Variants in RARS2 observed in about 807,000 individuals in gnomAD.
The protein encoded by RARS2 is probable arginine--tRNA ligase, mitochondrial.
Under a neutral mutation model 88.5 loss-of-function variants are expected in RARS2, and 67 were observed. The observed-to-expected ratio is 0.76, with a 90% CI of 0.62 to 0.93. The LOEUF (loss-of-function observed/expected upper bound fraction) is 0.93, where lower values mean the gene tolerates loss of function less well. RARS2 is among the 40% of genes least tolerant of loss of function. The pLI is 0.00. For missense variants in RARS2, 664 were observed against 684.2 expected (o/e 0.97, Z 0.33); for synonymous variants, 239 against 230.3 (o/e 1.04, Z -0.34).
Position 87,522,333 on chromosome 6 carries a change from T to TAAA in RARS2, c.975-812_975-810dup, listed in dbSNP as rs34710568. Among the ~76,000 whole-genome samples, 94 of 88,684 alleles carry TAAA rather than the reference T, an allele frequency of 1.1e-3. 2 individuals are homozygous for TAAA. Among genetic ancestry groups the TAAA allele is most frequent in the African/African-American group, 1.4e-3 (32 of 22,842 alleles). 58.2% of individuals were successfully genotyped at this position (88,684 alleles called of 152,430 possible). ...CAACAGAGCAAGACACCGTCTCAAT[T>TAAA]AAAAAAAAAAAAAAAAAAAAAAGAC... On this transcript the variant is annotated intron_variant, in intron 11 of 19. Coordinates refer to ENST00000369536, the MANE Select transcript of RARS2 (RefSeq NM_020320.5).
intron 2 of RARS2, among the ~76,000 whole-genome samples, chr6:87,568,485 A>AT (rs1051632098): frequency 5.1e-4 from 78 of 152,326 alleles, no homozygotes; most frequent in African/African-American, 1.7e-3. Flanking sequence ...GGGTGACAGA[A>AT]TGAGACCTGG....
At chr6:87,537,156 A>G (rs1049728078) in intron 8 of RARS2, among the ~76,000 whole-genome samples, 2 of 152,274 alleles carry the variant, frequency 1.3e-5, no homozygotes, top group Admixed American at 6.5e-5. Flanking sequence ...AAGGCAGGCC[A>G]TAAAATCTGC....
In RARS2 at chr6:87,515,436, C is replaced by G. The variant is rs181755259; in HGVS notation, c.1587-416G>C. Among the ~76,000 whole-genome samples the G allele has an allele frequency of 4.6e-5, 7 of 151,732 alleles. No individual in the cohort carries two copies. The South Asian group carries it at 1.5e-3, about 32-fold the overall frequency. On this transcript the variant is annotated intron_variant, in intron 18 of 19. Transcript: ENST00000369536. ...TCGGGAGGCTGAGGCAGGAGAATGGCGTGAACCCAGGAGGCAGAGCTTGCA... is the reference window on the plus strand; with the variant it reads ...TCGGGAGGCTGAGGCAGGAGAATGGGGTGAACCCAGGAGGCAGAGCTTGCA...
intron 8 of RARS2, among the ~76,000 whole-genome samples, chr6:87,538,870 T>TA (rs999474948): frequency 6.6e-6 from 1 of 151,816 alleles, no homozygotes; most frequent in Admixed American, 6.6e-5. Flanking sequence ...CCTGTCTCTA[T>TA]AAAAAATCAA....
chr6:87,581,627 A>G (rs1159720564), intron 1 of RARS2, among the ~76,000 whole-genome samples: 1 of 150,442 alleles, frequency 6.6e-6, no homozygotes, highest in African/African-American at 2.5e-5. Context: ...GTTCCGGGGT[A>G]CATGTGCAGG....
chr6:87,581,111 A>G (rs546642805), intron 1 of RARS2, among the ~76,000 whole-genome samples: 1 of 152,224 alleles, frequency 6.6e-6, no homozygotes, highest in Non-Finnish European at 1.5e-5. Flanking sequence ...AACTGAGCAC[A>G]AAGTCAAAAA....
chr6:87,519,153 T>G, intron 14 of RARS2: 1 of 306,318 alleles, frequency 3.3e-6, no homozygotes, highest in Non-Finnish European at 5.9e-6. Flanking sequence ...TATATATATA[T>G]ATGTATGTGT....
chr6:87,575,237 A>G (rs890734318), intron 1 of RARS2, among the ~76,000 whole-genome samples: 1 of 135,348 alleles, frequency 7.4e-6, no homozygotes, highest in Non-Finnish European at 1.5e-5. Context: ...ACACACACAC[A>G]CACACACACA....
Position 87,519,694 on chromosome 6 carries a change from G to A in RARS2, c.1126C>T (p.Pro376Ser), listed in dbSNP as rs775764802. 6.2e-7 allele frequency: 1 copy of A among 1,613,930 alleles called. No homozygotes were observed. Among genetic ancestry groups the A allele is most frequent in the Admixed American group, 1.7e-5 (1 of 60,012 alleles). The change falls in exon 14 of 20, where the codon CCC becomes TCC. Residue 376 changes from proline (P) to serine (S), a missense_variant. By Grantham distance (74) the Pro-to-Ser change is moderately conservative (BLOSUM62 -1). Coordinates refer to ENST00000369536, the MANE Select transcript of RARS2 (RefSeq NM_020320.5). ...YDWAERCQHV[P>S]FGVVQGMKTR... ...TTCATTCCCTGTACTACTCCAAAGGGCACGTGCTGGCACCTAAAAGAGTGG... is the reference window on the plus strand; with the variant it reads ...TTCATTCCCTGTACTACTCCAAAGGACACGTGCTGGCACCTAAAAGAGTGG...
intron 1 of RARS2, among the ~76,000 whole-genome samples, chr6:87,575,205 T>C (rs1422840004): frequency 3.0e-5 from 4 of 131,710 alleles, no homozygotes. Flanking sequence ...GCCACAGAGA[T>C]GAACCCTAAA....
At chr6:87,574,630 T>C (rs988180459) in intron 1 of RARS2, among the ~76,000 whole-genome samples, 3 of 152,172 alleles carry the variant, frequency 2.0e-5, no homozygotes, top group Non-Finnish European at 4.4e-5. Context: ...GGAAAAAATG[T>C]GGCATACAAC....
chr6:87,546,160 C>G (rs906432826), intron 6 of RARS2, among the ~76,000 whole-genome samples: 3 of 152,170 alleles, frequency 2.0e-5, no homozygotes, highest in Admixed American at 6.5e-5. Flanking sequence ...TGCCTGCTCC[C>G]TAACAGCATG....
chr6:87,553,866 A>G (rs947029062), intron 5 of RARS2, among the ~76,000 whole-genome samples: 1 of 152,180 alleles, frequency 6.6e-6, no homozygotes, highest in African/African-American at 2.4e-5. Context: ...TGTCTACTCC[A>G]TAGGAGTAGA....
chr6:87,542,391 T>G (rs548374920), intron 7 of RARS2, among the ~76,000 whole-genome samples: 1 of 152,186 alleles, frequency 6.6e-6, no homozygotes, highest in Non-Finnish European at 1.5e-5. Flanking sequence ...ACTCAAAATT[T>G]ATTAAAAAAA....
At chr6:87,568,672 G>A (rs1188057851) in intron 2 of RARS2, among the ~76,000 whole-genome samples, 1 of 152,124 alleles carries the variant, frequency 6.6e-6, no homozygotes, top group Non-Finnish European at 1.5e-5. Context: ...AAGCCGCAGT[G>A]GGCCATTTTA....
intron 6 of RARS2, among the ~76,000 whole-genome samples, chr6:87,546,004 G>T (rs1330381051): frequency 6.7e-6 from 1 of 148,420 alleles, no homozygotes; most frequent in African/African-American, 2.5e-5. Flanking sequence ...ATTTCAAGAA[G>T]AGAAAAAAAA....
rs767537615 is a variant in RARS2, at chr6:87,564,190, T to C, written c.153A>G (p.Glu51=). The change falls in exon 3 of 20, where the codon GAA becomes GAG. Residue 51 remains glutamate (E), a synonymous_variant. Transcript: ENST00000369536. The part of the protein sequence containing the change: ...DFQLSVDSLL[E]KDNDHSRPDI... ...CTGGTCTTGAATGGTCATTGTCTTTTTCCAATAAAGAATCCACAGAAAGCT... is the reference window on the plus strand; with the variant it reads ...CTGGTCTTGAATGGTCATTGTCTTTCTCCAATAAAGAATCCACAGAAAGCT... The C allele has an allele frequency of 4.3e-6, 7 of 1,613,838 alleles. No individual in the cohort carries two copies. Among genetic ancestry groups the C allele is most frequent in the East Asian group, 2.2e-5 (1 of 44,866 alleles).
chr6:87,521,508 T>C lies in RARS2; in HGVS notation c.991A>G (p.Ile331Val), dbSNP rs3757370. Reference protein sequence around the residue: ...LYATRDLAAAIDRMDKYNFDT... With the variant: ...LYATRDLAAAVDRMDKYNFDT... ...AAATTATACTTGTCCATTCGATCTA[T>C]AGCAGCTGCAAGATCTCTGAAACAA... Residue 331 changes from isoleucine (I) to valine (V), a missense_variant, in exon 12 of 20, where the codon ATA becomes GTA. Physicochemically the swap from Ile to Val is conservative, Grantham distance 29 (BLOSUM62 3). Transcript: ENST00000369536. 0.027 allele frequency: 43,749 copies of C among 1,611,648 alleles called. 986 individuals are homozygous for C. Among genetic ancestry groups the C allele is most frequent in the East Asian group, 0.12 (5,233 of 44,728 alleles).
rs866332620 is a variant in RARS2 at position 87,547,344 on chromosome 6, C to T, written c.451+1247G>A. ...GCTGCTCAAGAACAGTAAGAGCTGA[C>T]CGCACAACAATCTATGCCACAAGTA... On this transcript the variant is annotated intron_variant, in intron 6 of 19. Coordinates refer to ENST00000369536, the MANE Select transcript of RARS2 (RefSeq NM_020320.5). Among the ~76,000 whole-genome samples, 4 of 152,148 alleles carry T rather than the reference C, an allele frequency of 2.6e-5. No individual in the cohort carries two copies. In the South Asian group the frequency reaches 8.3e-4, roughly 31 times the overall value.
Sources: gnomAD v4.1 joint callset for allele counts (sites outside exome capture counted in the v4.1 genomes callset) on GRCh38, gnomAD v4.1.1 for gene constraint, MANE v1.5 for transcripts, NCBI Gene and HGNC (gene_info 2026-07-23, HGNC 2026-07-21) for gene names.